The following STAG1 variants were observed in gnomAD, a reference collection of about 807,000 sequenced individuals.
STAG1 encodes cohesin subunit SA-1.
In STAG1, 26 loss-of-function variants were observed where a neutral mutation model predicts 170.9. The observed-to-expected ratio is 0.15, with a 90% confidence interval of 0.11 to 0.21. The LOEUF (loss-of-function observed/expected upper bound fraction) is 0.21. Among genes scored for constraint, STAG1 ranks in the 10% least tolerant of loss-of-function variants. The pLI is 1.00. For synonymous variants in STAG1, 514 were observed against 497.7 expected, an observed-to-expected ratio of 1.03 and a Z score of -0.44; for missense variants, 964 against 1,509.5, an observed-to-expected ratio of 0.64 and a Z score of 5.99.
At chr3:136,530,259 A>G (rs1935306111) in intron 6 of STAG1, among the ~76,000 whole-genome samples, 1 of 152,118 alleles carries the variant, frequency 6.6e-6, no homozygotes, top group Non-Finnish European at 1.5e-5. Flanking sequence ...ATCTAAATAG[A>G]CTCCCAGACT....
At chr3:136,367,136 C>A in intron 24 of STAG1, 54 bp from the exon 25 acceptor site, 2 of 1,394,986 alleles carry the variant, frequency 1.4e-6, no homozygotes, top group Non-Finnish European at 2.0e-6. Flanking sequence ...CCACGTAAAA[C>A]AATGCAGATA....
At chr3:136,386,294 G>A (rs1365285241) in intron 22 of STAG1, among the ~76,000 whole-genome samples, 2 of 152,152 alleles carry the variant, frequency 1.3e-5, no homozygotes, top group African/African-American at 2.4e-5. Flanking sequence ...AGCCGAGATC[G>A]TGCCATTGCA....
intron 5 of STAG1, among the ~76,000 whole-genome samples, chr3:136,558,854 T>C (rs577849901): frequency 6.6e-6 from 1 of 152,324 alleles, no homozygotes; most frequent in Non-Finnish European, 1.5e-5. Flanking sequence ...TACCCAAAAA[T>C]TTCCTTCAAG....
chr3:136,593,833 T>C (rs1468158391), intron 4 of STAG1, among the ~76,000 whole-genome samples: 3 of 152,222 alleles, frequency 2.0e-5, no homozygotes, highest in African/African-American at 7.2e-5. Flanking sequence ...TATTCAAGTA[T>C]TTATATTTGC....
intron 4 of STAG1, among the ~76,000 whole-genome samples, chr3:136,602,177 G>A (rs1037554544): frequency 8.6e-5 from 13 of 151,786 alleles, no homozygotes; most frequent in Admixed American, 3.9e-4. Context: ...TCAGGAGATC[G>A]AGACCGTCCT....
intron 20 of STAG1, among the ~76,000 whole-genome samples, chr3:136,418,506 G>A (rs985468447): frequency 3.4e-5 from 5 of 148,610 alleles, no homozygotes; most frequent in African/African-American, 1.2e-4. Flanking sequence ...AGAAAGAGAT[G>A]ATTCTATGAA....
intron 22 of STAG1, among the ~76,000 whole-genome samples, chr3:136,394,717 C>T (rs950145464): frequency 7.2e-5 from 11 of 151,744 alleles, no homozygotes; most frequent in South Asian, 6.2e-4. Flanking sequence ...ATTTGGGAGG[C>T]GAAGACAGGC....
At chr3:136,643,267 A>T (rs1940872255) in intron 1 of STAG1, among the ~76,000 whole-genome samples, 1 of 152,238 alleles carries the variant, frequency 6.6e-6, no homozygotes, top group Non-Finnish European at 1.5e-5. Flanking sequence ...GCACTATTCT[A>T]ATTAGCTACA....
chr3:136,547,941 G>T (rs545191595), intron 5 of STAG1, among the ~76,000 whole-genome samples: 2 of 152,080 alleles, frequency 1.3e-5, no homozygotes, highest in African/African-American at 4.8e-5. Flanking sequence ...TTTGCATGTA[G>T]ATATCCAGTT....
intron 6 of STAG1, among the ~76,000 whole-genome samples, chr3:136,532,602 G>T (rs1168173963): frequency 2.6e-5 from 4 of 152,028 alleles, no homozygotes; most frequent in African/African-American, 2.4e-5. Context: ...GGCATTCAAG[G>T]ATGGTTTAAC....
chr3:136,735,446 T>TC (rs1934279264), intron 1 of STAG1, among the ~76,000 whole-genome samples: 1 of 151,472 alleles, frequency 6.6e-6, no homozygotes, highest in Non-Finnish European at 1.5e-5. Context: ...ATTTTTTTTT[T>TC]CCTTTTTTGA....
Position 136,430,505 on chromosome 3 carries a change from G to A in STAG1, c.1650+3051C>T, listed in dbSNP as rs540106184. 3.3e-5 allele frequency among the ~76,000 whole-genome samples: 5 copies of A among 151,586 alleles called. No homozygotes were observed. In the South Asian group the frequency reaches 8.4e-4, roughly 25 times the overall value. On this transcript the variant is annotated intron_variant, in intron 16 of 33. Coordinates refer to ENST00000383202, the MANE Select transcript of STAG1 (RefSeq NM_005862.3). ...TATGTTATAATCTCAACACTATAGT[G>A]CTATAATTATCTACTTAAATCAGGG...
intron 2 of STAG1, among the ~76,000 whole-genome samples, chr3:136,630,153 C>A (rs975280877): frequency 2.6e-5 from 4 of 152,128 alleles, no homozygotes; most frequent in Admixed American, 6.5e-5. Flanking sequence ...CGAGATCGCA[C>A]CACTGCATTC....
intron 17 of STAG1, 32 bp downstream of exon 17, chr3:136,422,920 G>C: frequency 6.3e-7 from 1 of 1,587,108 alleles, no homozygotes. Flanking sequence ...AGCAAACTCA[G>C]TGACATAACA....
At chr3:136,644,057 C>T (rs1261511509) in intron 1 of STAG1, among the ~76,000 whole-genome samples, 1 of 152,104 alleles carries the variant, frequency 6.6e-6, no homozygotes, top group Non-Finnish European at 1.5e-5. Context: ...ATTTGCTTAT[C>T]ACAAACCTGA....
chr3:136,702,993 G>A (rs113203765), intron 1 of STAG1, among the ~76,000 whole-genome samples: 45 of 150,734 alleles, frequency 3.0e-4, no homozygotes, highest in African/African-American at 1.1e-3. Context: ...ATTTGAACCC[G>A]GGAGGCACAG....
intron 1 of STAG1, among the ~76,000 whole-genome samples, chr3:136,674,709 A>G (rs1205488833): frequency 6.6e-6 from 1 of 152,214 alleles, no homozygotes; most frequent in Non-Finnish European, 1.5e-5. Flanking sequence ...TGTTTTCACA[A>G]TGTATACTTA....
chr3:136,422,419 T>C lies in STAG1; in HGVS notation c.2028A>G (p.Leu676=), dbSNP rs1298631773. ...TAACTTTAGAACAGACCTCTTGCAA[T>C]AGGTCTTCCACAGAATGATTGAATC... ...VDRFNHSVED[L]LQEGEEADDD... is the part of the protein sequence containing the mutation. Residue 676 remains leucine (L), a synonymous_variant, in exon 19 of 34, where the codon CTA becomes CTG. Transcript: ENST00000383202. The C allele has an allele frequency of 2.5e-6, 4 of 1,613,302 alleles. No homozygotes were observed. The highest frequency in any genetic ancestry group is 1.7e-5 in the Admixed American group (1 of 59,982).
intron 4 of STAG1, among the ~76,000 whole-genome samples, chr3:136,584,628 T>A (rs1002818457): frequency 6.6e-6 from 1 of 152,210 alleles, no homozygotes; most frequent in Non-Finnish European, 1.5e-5. Context: ...GATATTCTTA[T>A]TGAAGATACA....
Sources: gnomAD v4.1 joint callset for allele counts (sites outside exome capture counted in the v4.1 genomes callset) on GRCh38, gnomAD v4.1.1 for gene constraint, MANE v1.5 for transcripts, NCBI Gene and HGNC (gene_info 2026-07-23, HGNC 2026-07-21) for gene names.